PPM1H: variants seen among roughly 807,000 people sequenced by gnomAD.
PPM1H encodes protein phosphatase, Mg2+/Mn2+ dependent 1H.
A neutral mutation model predicts 54.9 loss-of-function variants in PPM1H; 27 were observed. The observed-to-expected ratio is 0.49, with a 90% CI of 0.36 to 0.68. The LOEUF (loss-of-function observed/expected upper bound fraction) is 0.68. Ranked by LOEUF, PPM1H falls within the 30% of genes least tolerant of loss-of-function variation. PPM1H has a pLI of 0.00. For missense variants in PPM1H, 596 were observed against 667.8 expected, an observed-to-expected ratio of 0.89 and a Z score of 1.19; for synonymous variants, 305 against 270.8, an observed-to-expected ratio of 1.13 and a Z score of -1.24.
chr12:62,910,930 T>C (rs1435456857), intron 1 of PPM1H, among the ~76,000 whole-genome samples: 1 of 152,078 alleles, frequency 6.6e-6, no homozygotes, highest in Non-Finnish European at 1.5e-5. Flanking sequence ...TAAATAAAGA[T>C]CCATGATAAA....
intron 2 of PPM1H, 113 bp from the exon 3 acceptor site, chr12:62,802,273 G>T: frequency 1.3e-6 from 1 of 768,676 alleles, no homozygotes; most frequent in Non-Finnish European, 2.0e-6. Flanking sequence ...TCTGTCGTCT[G>T]CAAACAATGC....
rs577429221 is a variant in PPM1H at position 62,894,127 on chromosome 12, A to G, written c.245+40365T>C. Among the ~76,000 whole-genome samples, 3 of 152,316 alleles carry G rather than the reference A, an allele frequency of 2.0e-5. No individual in the cohort carries two copies. The East Asian group carries it at 5.8e-4, about 29-fold the overall frequency. Reference sequence around the variant, plus strand: ...ATACAATGTAGAGCAGAGACAAGCCATCTCATTGAACCCCATCAAAACTGC... The same window carrying G: ...ATACAATGTAGAGCAGAGACAAGCCGTCTCATTGAACCCCATCAAAACTGC... On this transcript the variant is annotated intron_variant, in intron 1 of 9. Coordinates refer to ENST00000228705, the MANE Select transcript of PPM1H (RefSeq NM_020700.2).
chr12:62,882,920 G>A (rs565043112), intron 1 of PPM1H, among the ~76,000 whole-genome samples: 11 of 146,402 alleles, frequency 7.5e-5, no homozygotes, highest in Non-Finnish European at 1.3e-4. Context: ...CACCCCCACC[G>A]CCACTCCCCA....
At chr12:62,672,798 AC>A (rs1355585732) in intron 8 of PPM1H, among the ~76,000 whole-genome samples, 1 of 152,160 alleles carries the variant, frequency 6.6e-6, no homozygotes, top group Non-Finnish European at 1.5e-5. Flanking sequence ...TTATTGTCCC[AC>A]CAAAATTCAA....
At chr12:62,681,975 C>T (rs1361297666) in intron 8 of PPM1H, among the ~76,000 whole-genome samples, 1 of 152,182 alleles carries the variant, frequency 6.6e-6, no homozygotes, top group Non-Finnish European at 1.5e-5. Context: ...CTCTATTGTC[C>T]TCTTTTTCAC....
intron 2 of PPM1H, among the ~76,000 whole-genome samples, chr12:62,813,688 T>C (rs2076849449): frequency 6.6e-6 from 1 of 152,226 alleles, no homozygotes; most frequent in African/African-American, 2.4e-5. Flanking sequence ...CAGTCATATC[T>C]GACAATCATC....
chr12:62,858,411 C>T (rs337514), intron 1 of PPM1H, among the ~76,000 whole-genome samples: 84,751 of 151,966 alleles, frequency 0.56, 24,677 homozygotes, highest in East Asian at 0.89. Flanking sequence ...GCTCATTTTT[C>T]AGCCCTGCCA....
rs1161094944 is a variant in PPM1H, at chr12:62,669,969, C to CTTTTTTTTTTTTTTTTTTTTT, written c.1246-2661_1246-2641dup. Reference sequence around the variant, plus strand: ...AAAATAGTGTTTAGAGGATTGATTCCTTTTTTTTTTTTTTTTTTTTTTTTT... The same window carrying CTTTTTTTTTTTTTTTTTTTTT: ...AAAATAGTGTTTAGAGGATTGATTCCTTTTTTTTTTTTTTTTTTTTTTTTTTTTTTTTTTTTTTTTTTTTTT... On this transcript the variant is annotated intron_variant, in intron 8 of 9. Transcript: ENST00000228705. 6.5e-5 allele frequency among the ~76,000 whole-genome samples: 3 copies of CTTTTTTTTTTTTTTTTTTTTT among 46,426 alleles called. 1 individual carries two copies. The highest frequency in any genetic ancestry group is 3.4e-4 in the African/African-American group (3 of 8,780). 30.5% of individuals were successfully genotyped at this position (46,426 alleles called of 152,430 possible).
chr12:62,857,414 A>T (rs1164078489), intron 1 of PPM1H, among the ~76,000 whole-genome samples: 1 of 152,208 alleles, frequency 6.6e-6, no homozygotes, highest in Non-Finnish European at 1.5e-5. Context: ...ATGAGAACAC[A>T]GATAACTGGG....
At position 62,832,160 on chromosome 12, in the gene PPM1H, C is replaced by T. The variant is rs756011853; in HGVS notation, c.365G>A (p.Arg122Gln). ...CCCTTCCCCATTGGGAAGGGAGGAC[C>T]GTCTCTTGGATGAGTTCCTGTTTGG... is the stretch of plus-strand genomic sequence containing the variant. ...STPNRNSSKRRSSLPNGEGLQ... is the reference protein window; with the variant it reads ...STPNRNSSKRQSSLPNGEGLQ... The change falls in exon 2 of 10, where the codon CGG becomes CAG. Residue 122 changes from arginine (R) to glutamine (Q), a missense_variant. Around this residue, in one of 3 missense-constraint regions of PPM1H, gnomAD observed 382 missense variants for 387.1 expected, o/e 0.99. Transcript: ENST00000228705. 10 of 1,613,846 alleles carry T rather than the reference C, an allele frequency of 6.2e-6. No homozygotes were observed. Among genetic ancestry groups the T allele is most frequent in the South Asian group, 2.2e-5 (2 of 91,070 alleles).
intron 3 of PPM1H, among the ~76,000 whole-genome samples, chr12:62,794,241 C>T (rs1381551159): frequency 2.0e-5 from 3 of 152,142 alleles, no homozygotes; most frequent in African/African-American, 7.2e-5. Context: ...GAGAACAAAA[C>T]CAACTTAAAT....
At chr12:62,682,955 G>A (rs983239976) in intron 8 of PPM1H, among the ~76,000 whole-genome samples, 4 of 151,664 alleles carry the variant, frequency 2.6e-5, no homozygotes, top group Admixed American at 6.6e-5. Context: ...CCCAGTAGCT[G>A]AGACTACAGG....
intron 4 of PPM1H, chr12:62,755,923 C>G (rs1034641713): frequency 5.0e-5 from 40 of 802,362 alleles, no homozygotes; most frequent in African/African-American, 4.2e-4. Context: ...CTGGCATGGC[C>G]TTCTGTGTCC....
At chr12:62,681,460 C>T (rs984479818) in intron 8 of PPM1H, among the ~76,000 whole-genome samples, 1 of 152,136 alleles carries the variant, frequency 6.6e-6, no homozygotes, top group Non-Finnish European at 1.5e-5. Flanking sequence ...TAAGATATTC[C>T]TCTTGCTGAA....
At chr12:62,804,437 C>T (rs2076792346) in intron 2 of PPM1H, among the ~76,000 whole-genome samples, 2 of 151,318 alleles carry the variant, frequency 1.3e-5, no homozygotes, top group African/African-American at 2.4e-5. Context: ...GTGTCATTTT[C>T]TTCATGTTTC....
chr12:62,735,193 T>C (rs544006179), intron 5 of PPM1H, among the ~76,000 whole-genome samples: 1 of 152,052 alleles, frequency 6.6e-6, no homozygotes, highest in Non-Finnish European at 1.5e-5. Flanking sequence ...AATATGAATA[T>C]TGTTTTTAAT....
intron 1 of PPM1H, among the ~76,000 whole-genome samples, chr12:62,858,747 G>A (rs890672268): frequency 3.3e-5 from 5 of 151,308 alleles, no homozygotes; most frequent in African/African-American, 7.3e-5. Flanking sequence ...AGGAGATATG[G>A]GTAAACATGA....
chr12:62,930,534 C>T (rs1872099772), intron 1 of PPM1H, among the ~76,000 whole-genome samples: 1 of 152,160 alleles, frequency 6.6e-6, no homozygotes, highest in Non-Finnish European at 1.5e-5. Flanking sequence ...GCACAAATTC[C>T]ATGCCTGCTG....
intron 8 of PPM1H, among the ~76,000 whole-genome samples, chr12:62,676,405 G>A (rs1400849812): frequency 6.6e-6 from 1 of 152,170 alleles, no homozygotes; most frequent in Non-Finnish European, 1.5e-5. Flanking sequence ...CTGGGAACAG[G>A]TGGGAGCTCC....
Sources: gnomAD v4.1 joint callset for allele counts (sites outside exome capture counted in the v4.1 genomes callset) on GRCh38, gnomAD v4.1.1 for gene constraint, gnomAD v4.1.1 regional missense constraint, MANE v1.5 for transcripts, NCBI Gene and HGNC (gene_info 2026-07-23, HGNC 2026-07-21) for gene names.